SOX6: variants seen among roughly 807,000 people sequenced by gnomAD.
SOX6 encodes transcription factor SOX-6.
Under a neutral mutation model 97.8 loss-of-function variants are expected in SOX6, and 11 were observed. The observed-to-expected ratio is 0.11, with a 90% CI of 0.07 to 0.19. The LOEUF is 0.19. SOX6 is among the 10% of genes least tolerant of loss of function. The pLI is 1.00. For missense variants in SOX6, 810 were observed against 1,039.5 expected (o/e 0.78, Z 3.04); for synonymous variants, 360 against 371.4 (o/e 0.97, Z 0.35).
chr11:16,091,710 G>C (rs1252956077), intron 9 of SOX6, among the ~76,000 whole-genome samples: 1 of 151,966 alleles, frequency 6.6e-6, no homozygotes, highest in Non-Finnish European at 1.5e-5. Context: ...ATGGTTGACA[G>C]GTTTTCTTAG....
intron 4 of SOX6, among the ~76,000 whole-genome samples, chr11:16,596,885 T>C (rs914641812): frequency 6.6e-6 from 1 of 152,172 alleles, no homozygotes; most frequent in Non-Finnish European, 1.5e-5. Context: ...ATGGTATTAT[T>C]CTTTTACATT....
chr11:16,737,845 G>C (rs1198259238), intron 1 of SOX6, among the ~76,000 whole-genome samples: 7 of 152,072 alleles, frequency 4.6e-5, no homozygotes, highest in Admixed American at 4.6e-4. Context: ...ACAGTGGATT[G>C]TACACTTTTT....
chr11:16,701,743 C>A (rs1387273956), intron 3 of SOX6, among the ~76,000 whole-genome samples: 1 of 120,790 alleles, frequency 8.3e-6, no homozygotes, highest in Non-Finnish European at 1.6e-5. Flanking sequence ...GTAGTCCCAG[C>A]TACTCAGGGG....
intron 4 of SOX6, among the ~76,000 whole-genome samples, chr11:16,509,862 G>A (rs181557013): frequency 8.6e-4 from 131 of 152,020 alleles, no homozygotes; most frequent in African/African-American, 2.9e-3. Context: ...GATTATTTCA[G>A]CTTAACTCCT....
At position 16,162,978 on chromosome 11, in the gene SOX6, T is replaced by C. The variant is rs890959561; in HGVS notation, c.777+20908A>G. Among the ~76,000 whole-genome samples, 6 of 149,456 alleles carry C rather than the reference T, an allele frequency of 4.0e-5. 1 individual carries two copies. Among genetic ancestry groups the C allele is most frequent in the African/African-American group, 1.5e-4 (6 of 40,480 alleles). ...GAAGGAGTATATGGGTAGAATGAGATTAAAGAAAGAAGAGAGTAGGGTGAA... is the reference window on the plus strand; with the variant it reads ...GAAGGAGTATATGGGTAGAATGAGACTAAAGAAAGAAGAGAGTAGGGTGAA... On this transcript the variant is annotated intron_variant, in intron 6 of 15. Coordinates refer to ENST00000683767, the MANE Select transcript of SOX6 (RefSeq NM_001367873.1).
chr11:15,987,437 A>G (rs1243393261), intron 14 of SOX6, among the ~76,000 whole-genome samples: 1 of 152,170 alleles, frequency 6.6e-6, no homozygotes, highest in East Asian at 1.9e-4. Flanking sequence ...TAAAGCCCCA[A>G]TTAACGAAGA....
chr11:16,572,449 T>C (rs1416462445), intron 4 of SOX6, among the ~76,000 whole-genome samples: 1 of 152,174 alleles, frequency 6.6e-6, no homozygotes, highest in Admixed American at 6.5e-5. Context: ...AGAAAACCTA[T>C]ACAGACAAAA....
At chr11:16,144,811 A>G (rs1389852913) in intron 6 of SOX6, among the ~76,000 whole-genome samples, 1 of 152,208 alleles carries the variant, frequency 6.6e-6, no homozygotes, top group Non-Finnish European at 1.5e-5. Flanking sequence ...AAGAAGTTGA[A>G]TCCCTGAATA....
chr11:16,566,840 A>G (rs754680582), intron 4 of SOX6, among the ~76,000 whole-genome samples: 13 of 152,374 alleles, frequency 8.5e-5, no homozygotes, highest in Non-Finnish European at 1.6e-4. Context: ...ATGCAAAAGA[A>G]CAGAAAATAG....
At chr11:16,035,172 C>A (rs1453808737) in intron 12 of SOX6, among the ~76,000 whole-genome samples, 1 of 152,156 alleles carries the variant, frequency 6.6e-6, no homozygotes, top group South Asian at 2.1e-4. Context: ...TAATGTGTGA[C>A]CTTCTTTTCA....
At chr11:16,046,121 A>G (rs894035764) in intron 12 of SOX6, among the ~76,000 whole-genome samples, 1 of 152,178 alleles carries the variant, frequency 6.6e-6, no homozygotes, top group Non-Finnish European at 1.5e-5. Context: ...GAAGTTTAGT[A>G]TTACATTTAA....
Position 16,311,265 on chromosome 11 carries a change from T to C in SOX6, c.445+7181A>G, listed in dbSNP as rs1204193886. On this transcript the variant is annotated intron_variant, in intron 3 of 15. Coordinates refer to ENST00000683767, the MANE Select transcript of SOX6 (RefSeq NM_001367873.1). ...ATATTTTTCTTTTTTAAAAGTTTCT[T>C]CAAATAATAACAGCAATAGTAGTTA... is the stretch of plus-strand genomic sequence containing the variant. 4 of 152,206 alleles carry C rather than the reference T, an allele frequency of 2.6e-5. No individual in the cohort carries two copies. In the South Asian group the frequency reaches 6.2e-4, roughly 24 times the overall value. The allele number at this position is 152,206 out of a possible 1,614,324, so 9.4% of individuals were successfully genotyped here. A position where few individuals can be genotyped will look rare whatever the true frequency, so the allele number is the denominator to read the frequency against.
chr11:16,552,033 T>C (rs1847693441), intron 4 of SOX6, among the ~76,000 whole-genome samples: 1 of 152,230 alleles, frequency 6.6e-6, no homozygotes, highest in Admixed American at 6.5e-5. Flanking sequence ...TACACATCTA[T>C]AAGATACATC....
At chr11:16,713,958 G>A (rs1564875286) in intron 3 of SOX6, among the ~76,000 whole-genome samples, 1 of 152,144 alleles carries the variant, frequency 6.6e-6, no homozygotes, top group African/African-American at 2.4e-5. Context: ...CTGCCCATGT[G>A]TGAATATGTT....
chr11:16,610,391 C>A lies in SOX6; in HGVS notation n.609+1690G>T, dbSNP rs1434038482. 6.6e-6 allele frequency among the ~76,000 whole-genome samples: 1 copy of A among 152,194 alleles called. No homozygotes were observed. The highest frequency in any genetic ancestry group is 1.5e-5 in the Non-Finnish European group (1 of 68,038). ...TTTGGCTTTCCAAATACTAGCGCGT[C>A]CGTCTCTTTAAATCACAGAGCAATC... On this transcript the variant is annotated intron_variant and non_coding_transcript_variant, in intron 4 of 5. Coordinates refer to the SOX6 transcript ENST00000524520. This position sits in a 1 kb window ranked among gnomAD's most constrained non-coding sequence, Gnocchi z 4.4.
intron 9 of SOX6, among the ~76,000 whole-genome samples, chr11:16,064,503 A>G (rs1018918264): frequency 6.8e-6 from 1 of 147,310 alleles, no homozygotes; most frequent in Non-Finnish European, 1.5e-5. Context: ...TGATACCAAA[A>G]CCAGACAAAG....
chr11:16,435,908 T>C (rs1338833811), intron 1 of SOX6, among the ~76,000 whole-genome samples: 1 of 152,108 alleles, frequency 6.6e-6, no homozygotes, highest in Non-Finnish European at 1.5e-5. Flanking sequence ...CAGTGGTCTC[T>C]CTCCATTAAG....
chr11:16,149,550 T>C (rs1160807842), intron 6 of SOX6, among the ~76,000 whole-genome samples: 1 of 152,124 alleles, frequency 6.6e-6, no homozygotes, highest in African/African-American at 2.4e-5. Context: ...CTCAGTTCAT[T>C]GCACTTTTAT....
At chr11:15,978,274 T>G (rs1160491088) in intron 15 of SOX6, among the ~76,000 whole-genome samples, 2 of 152,066 alleles carry the variant, frequency 1.3e-5, no homozygotes, top group Non-Finnish European at 2.9e-5. Context: ...TTTCTTCTAC[T>G]CAATTCTTTC....
Sources: gnomAD v4.1 joint callset for allele counts (sites outside exome capture counted in the v4.1 genomes callset) on GRCh38, gnomAD v4.1.1 for gene constraint, Gnocchi (gnomAD v3.1) non-coding constraint, MANE v1.5 for transcripts, NCBI Gene and HGNC (gene_info 2026-07-23, HGNC 2026-07-21) for gene names.